Variants in PLEKHG4B observed in about 807,000 individuals in gnomAD.
PLEKHG4B encodes the protein pleckstrin homology domain-containing family G member 4B.
A neutral mutation model predicts 121.3 loss-of-function variants in PLEKHG4B; 111 were observed. The observed-to-expected ratio is 0.92, with a 90% CI of 0.78 to 1.07. PLEKHG4B has a LOEUF of 1.07. Ranked by LOEUF, PLEKHG4B falls within the 50% of genes least tolerant of loss-of-function variation. The pLI is 0.00. For missense variants in PLEKHG4B, 1,831 were observed against 1,757.8 expected (o/e 1.04, Z -0.74); for synonymous variants, 738 against 725.0 (o/e 1.02, Z -0.29).
intron 6 of PLEKHG4B, among the ~76,000 whole-genome samples, chr5:145,354 G>A (rs1735371973): frequency 6.6e-6 from 1 of 152,216 alleles, no homozygotes; most frequent in African/African-American, 2.4e-5. Context: ...GGAAGGGGCA[G>A]CCATAGTTCA....
intron 1 of PLEKHG4B, among the ~76,000 whole-genome samples, chr5:98,424 G>GGTTT (rs1560891752): frequency 1.2e-5 from 1 of 80,870 alleles, no homozygotes; most frequent in African/African-American, 4.6e-5. Flanking sequence ...GTTTACTGTA[G>GGTTT]CTTTTTTTTT....
At chr5:151,634 A>C (rs774990952) in intron 7 of PLEKHG4B, 35 bp downstream of exon 7, 1 of 1,393,034 alleles carries the variant, frequency 7.2e-7, no homozygotes, top group Admixed American at 1.9e-5. Context: ...TGAGTGATGG[A>C]TAAAATTAAA....
chr5:150,655 C>T (rs1735576781), intron 6 of PLEKHG4B, among the ~76,000 whole-genome samples: 1 of 152,060 alleles, frequency 6.6e-6, no homozygotes, highest in Non-Finnish European at 1.5e-5. Context: ...ACACAGATGG[C>T]AAATAAGCAC....
chr5:103,051 C>G (rs1393503147), intron 1 of PLEKHG4B, among the ~76,000 whole-genome samples: 1 of 152,208 alleles, frequency 6.6e-6, no homozygotes, highest in Non-Finnish European at 1.5e-5. Context: ...TCTGTTCCCT[C>G]CCTGGGCCCG....
intron 6 of PLEKHG4B, among the ~76,000 whole-genome samples, chr5:148,630 A>G (rs543847481): frequency 2.0e-5 from 3 of 152,338 alleles, no homozygotes; most frequent in African/African-American, 7.2e-5. Flanking sequence ...TTAATATTGT[A>G]TTGAAATATC....
chr5:189,398 G>A lies in PLEKHG4B; in HGVS notation c.*7075G>A, dbSNP rs994111213. The stretch of plus-strand genomic sequence containing the variant: ...CTCACAACCTTTCAGACCAGTGAAG[G>A]CCAGTGGGCTGGGTGGTCCAGGCAT... On this transcript the variant is annotated 3_prime_UTR_variant, in exon 20 of 20. Transcript: ENST00000637938. The A allele has an allele frequency of 6.6e-6, 1 of 152,352 alleles. No individual in the cohort carries two copies. Among genetic ancestry groups the A allele is most frequent in the Non-Finnish European group, 1.5e-5 (1 of 68,122 alleles). The allele number at this position is 152,352 out of a possible 1,614,324, so 9.4% of individuals were successfully genotyped here. A position where few individuals can be genotyped will look rare whatever the true frequency, so the allele number is the denominator to read the frequency against.
chr5:126,202 T>C (rs995801988), intron 2 of PLEKHG4B, among the ~76,000 whole-genome samples: 2 of 152,238 alleles, frequency 1.3e-5, no homozygotes, highest in Non-Finnish European at 2.9e-5. Flanking sequence ...TTTACTCTCC[T>C]TCTGGAACTC....
chr5:153,001 A>G (rs1735654947), intron 7 of PLEKHG4B, among the ~76,000 whole-genome samples: 1 of 152,072 alleles, frequency 6.6e-6, no homozygotes, highest in African/African-American at 2.4e-5. Context: ...AGTCAATTAA[A>G]CCTCTTTCCT....
At position 121,207 on chromosome 5, in the gene PLEKHG4B, A is replaced by G. The variant is rs538491812; in HGVS notation, c.243+7759A>G. ...GCTTGCAGTGAGCCGAGATCGTGCC[A>G]CTGCACTCCAGCCTGGGTGACAGAG... On this transcript the variant is annotated intron_variant, in intron 2 of 19. Transcript: ENST00000637938. Among the ~76,000 whole-genome samples, 6 of 152,082 alleles carry G rather than the reference A, an allele frequency of 3.9e-5. No individual in the cohort carries two copies. The South Asian group carries it at 1.2e-3, about 32-fold the overall frequency.
intron 6 of PLEKHG4B, among the ~76,000 whole-genome samples, chr5:147,018 C>T (rs1361577778): frequency 6.6e-6 from 1 of 152,174 alleles, no homozygotes; most frequent in East Asian, 1.9e-4. Context: ...GCAGTGGCAT[C>T]CTCCAGAACT....
intron 2 of PLEKHG4B, among the ~76,000 whole-genome samples, chr5:123,172 G>A (rs868367319): frequency 5.3e-5 from 8 of 151,672 alleles, no homozygotes; most frequent in South Asian, 4.2e-4. Flanking sequence ...TTTTTTCAAA[G>A]TATCAATAAT....
chr5:170,447 CG>C (rs1736505841), intron 14 of PLEKHG4B, among the ~76,000 whole-genome samples: 1 of 152,000 alleles, frequency 6.6e-6, no homozygotes, highest in Admixed American at 6.6e-5. Context: ...GGACTACAGG[CG>C]CCGCCACCAC....
intron 1 of PLEKHG4B, among the ~76,000 whole-genome samples, chr5:98,255 T>G (rs759470427): frequency 2.6e-5 from 4 of 151,944 alleles, no homozygotes; most frequent in African/African-American, 9.7e-5. Flanking sequence ...GGGGTCTAAC[T>G]TCATTCTTCT....
Position 139,671 on chromosome 5 carries a change from C to T in PLEKHG4B, c.432C>T (p.Gly144=), listed in dbSNP as rs1269346314. Residue 144 remains glycine (G), a synonymous_variant, in exon 3 of 20, where the codon GGC becomes GGT. Transcript: ENST00000637938. The surrounding 1 kb of genome is among the most constrained non-coding windows in gnomAD (Gnocchi z 5.0). ...AATGCCTGTCCCGGCTGGGAAGAGGCACAGAGGAAGTCACCGTCCCTGAGG... is the reference window on the plus strand; with the variant it reads ...AATGCCTGTCCCGGCTGGGAAGAGGTACAGAGGAAGTCACCGTCCCTGAGG... ...VLKCLSRLGR[G]TEEVTVPEAM... is the part of the protein sequence containing the mutation. 5 of 398,740 alleles carry T rather than the reference C, an allele frequency of 1.3e-5. No homozygotes were observed. The highest frequency in any genetic ancestry group is 2.2e-5 in the Non-Finnish European group (5 of 226,108). 24.7% of individuals were successfully genotyped at this position (398,740 alleles called of 1,614,324 possible). A position where few individuals can be genotyped will look rare whatever the true frequency, so the allele number is the denominator to read the frequency against.
chr5:160,823 C>G (rs910956328), intron 11 of PLEKHG4B, among the ~76,000 whole-genome samples: 1 of 151,870 alleles, frequency 6.6e-6, no homozygotes, highest in African/African-American at 2.4e-5. Context: ...TCTGCGCCAC[C>G]CCCACTCTGC....
chr5:145,777 A>AG (rs1491517782), intron 6 of PLEKHG4B, among the ~76,000 whole-genome samples: 1 of 151,978 alleles, frequency 6.6e-6, no homozygotes, highest in African/African-American at 2.4e-5. Context: ...GACCAGGGAC[A>AG]GGGGGGTCCA....
At chr5:105,860 G>A (rs1733960796) in intron 1 of PLEKHG4B, among the ~76,000 whole-genome samples, 2 of 152,144 alleles carry the variant, frequency 1.3e-5, no homozygotes, top group South Asian at 2.1e-4. Flanking sequence ...TGTAACATAC[G>A]GCAGCTGTAG....
In PLEKHG4B at chr5:185,287, G is replaced by A. The variant is rs1465022743; in HGVS notation, c.*2964G>A. 6.6e-6 allele frequency: 1 copy of A among 152,240 alleles called. No homozygotes were observed. The highest frequency in any genetic ancestry group is 2.4e-5 in the African/African-American group (1 of 41,448). The allele number at this position is 152,240 out of a possible 1,614,324, so 9.4% of individuals were successfully genotyped here. Reference sequence around the variant, plus strand: ...ACAGACAGGCCTGCTCTCTGAATTGGTGACCACATGAGTAACTTCACGGGT... The same window carrying A: ...ACAGACAGGCCTGCTCTCTGAATTGATGACCACATGAGTAACTTCACGGGT... On this transcript the variant is annotated 3_prime_UTR_variant, in exon 20 of 20. Coordinates refer to ENST00000637938, the MANE Select transcript of PLEKHG4B (RefSeq NM_052909.5).
intron 17 of PLEKHG4B, 58 bp from the exon 18 acceptor site, chr5:173,860 C>T (rs1736654358): frequency 6.4e-7 from 1 of 1,567,864 alleles, no homozygotes; most frequent in African/African-American, 1.3e-5. Flanking sequence ...ATTTGGGTAG[C>T]CAGTTGTTCA....
Sources: allele counts gnomAD v4.1 joint callset (sites outside exome capture counted in the v4.1 genomes callset), GRCh38; gene constraint gnomAD v4.1.1; non-coding constraint Gnocchi (gnomAD v3.1); transcripts MANE v1.5; gene names NCBI Gene and HGNC (gene_info 2026-07-23, HGNC 2026-07-21).